MTHFD2L: variants seen among roughly 807,000 people sequenced by gnomAD.
The protein encoded by MTHFD2L is bifunctional methylenetetrahydrofolate dehydrogenase/cyclohydrolase 2, mitochondrial.
MTHFD2L carries 29 observed loss-of-function variants against 34.9 expected under a neutral mutation model. The observed-to-expected ratio is 0.83, with a 90% CI of 0.62 to 1.13. The LOEUF is 1.13. Among genes scored for constraint, MTHFD2L ranks in the 50% most tolerant of loss-of-function variants. The pLI, the probability that MTHFD2L is intolerant of heterozygous loss-of-function variation, is 0.00. For synonymous variants in MTHFD2L, 167 were observed against 155.7 expected, an observed-to-expected ratio of 1.07 and a Z score of -0.54; for missense variants, 481 against 446.5, an observed-to-expected ratio of 1.08 and a Z score of -0.70.
At chr4:74,133,966 G>T (rs1465359555) in intron 1 of MTHFD2L, among the ~76,000 whole-genome samples, 2 of 152,154 alleles carry the variant, frequency 1.3e-5, no homozygotes, top group Non-Finnish European at 2.9e-5. Flanking sequence ...ATTCTGAGCA[G>T]ATGGTAGGAG....
At chr4:74,204,657 C>G (rs1734993526) in intron 5 of MTHFD2L, among the ~76,000 whole-genome samples, 1 of 152,030 alleles carries the variant, frequency 6.6e-6, no homozygotes, top group Non-Finnish European at 1.5e-5. Flanking sequence ...ATATTGCATG[C>G]TAATTTCTTG....
intron 6 of MTHFD2L, among the ~76,000 whole-genome samples, chr4:74,234,971 G>A (rs1216471195): frequency 1.4e-4 from 21 of 151,984 alleles, no homozygotes; most frequent in Non-Finnish European, 7.4e-5. Context: ...AATTCACTAG[G>A]CAGAATAAAA....
Position 74,168,965 on chromosome 4 carries a change from G to A in MTHFD2L, c.144-5541G>A, listed in dbSNP as rs909205476. On this transcript the variant is annotated intron_variant, in intron 1 of 7. Transcript: ENST00000325278. ...TTCTTCCAGCACATGGACCAATACA[G>A]GCACTCTCTCATTGGACCTGCATTA... 3.9e-5 allele frequency among the ~76,000 whole-genome samples: 6 copies of A among 152,288 alleles called. No individual in the cohort carries two copies. In the South Asian group the frequency reaches 1.2e-3, roughly 32 times the overall value.
At chr4:74,291,069 G>C (rs1202342355) in intron 7 of MTHFD2L, among the ~76,000 whole-genome samples, 1 of 112,676 alleles carries the variant, frequency 8.9e-6, no homozygotes, top group Non-Finnish European at 1.7e-5. Context: ...CCAGGCTGGA[G>C]TGCAGTGGTG....
intron 1 of MTHFD2L, among the ~76,000 whole-genome samples, chr4:74,171,632 G>A (rs1300179556): frequency 6.6e-6 from 1 of 151,876 alleles, no homozygotes; most frequent in Non-Finnish European, 1.5e-5. Flanking sequence ...GCGAAACCCC[G>A]TCTCTACTAA....
chr4:74,223,364 G>T (rs976816249), intron 5 of MTHFD2L, among the ~76,000 whole-genome samples: 1 of 151,932 alleles, frequency 6.6e-6, no homozygotes, highest in African/African-American at 2.4e-5. Context: ...ATTAATACAG[G>T]AACAGAAATC....
chr4:74,200,869 CTT>C (rs78467695), intron 4 of MTHFD2L, among the ~76,000 whole-genome samples: 8,396 of 152,184 alleles, frequency 0.055, 608 homozygotes, highest in African/African-American at 0.16. Flanking sequence ...AAAAATGCCT[CTT>C]TTCTTACTTG....
At chr4:74,251,438 G>C (rs958137707) in intron 6 of MTHFD2L, among the ~76,000 whole-genome samples, 2 of 152,116 alleles carry the variant, frequency 1.3e-5, no homozygotes, top group African/African-American at 4.8e-5. Flanking sequence ...ACCAACCGTT[G>C]TCTTCAACAT....
intron 6 of MTHFD2L, among the ~76,000 whole-genome samples, chr4:74,253,394 A>G (rs994692345): frequency 6.6e-6 from 1 of 152,038 alleles, no homozygotes. Flanking sequence ...GCAAGAAAAT[A>G]TCTTTATAAG....
At position 74,205,433 on chromosome 4, in the gene MTHFD2L, G is replaced by C. The variant is rs546501096; in HGVS notation, c.712+4063G>C. On this transcript the variant is annotated intron_variant, in intron 5 of 7. Transcript: ENST00000325278. ...TTATTTCTTTTCCAGAAGACATGCA[G>C]AACCCTAGTGATTCGTTTTTGTCTT... 6.6e-5 allele frequency among the ~76,000 whole-genome samples: 10 copies of C among 152,308 alleles called. No individual in the cohort carries two copies. In the South Asian group the frequency reaches 2.1e-3, roughly 32 times the overall value.
chr4:74,267,305 T>TTTTC lies in MTHFD2L; in HGVS notation c.806-14110_806-14107dup, dbSNP rs771538363. On this transcript the variant is annotated intron_variant, in intron 6 of 7. Coordinates refer to ENST00000325278, the MANE Select transcript of MTHFD2L (RefSeq NM_001144978.3). ...TATTCTATTCTTTTCTTTTCTTTTC[T>TTTTC]TTTCTTTCTTTCTCTTTCTCTCTTT... 202 of 485,382 alleles carry TTTTC rather than the reference T, an allele frequency of 4.2e-4. 1 individual carries two copies. In the African/African-American group the frequency reaches 9.0e-3, roughly 22 times the overall value. 30.1% of individuals were successfully genotyped at this position (485,382 alleles called of 1,614,324 possible). A position where few individuals can be genotyped will look rare whatever the true frequency, so the allele number is the denominator to read the frequency against.
At chr4:74,200,483 GAA>G (rs1434385270) in intron 4 of MTHFD2L, among the ~76,000 whole-genome samples, 3 of 152,136 alleles carry the variant, frequency 2.0e-5, no homozygotes, top group Admixed American at 6.5e-5. Context: ...GCATTTTGAT[GAA>G]AACTTTTCTA....
At chr4:74,255,136 C>CAAAAAAAAAAAAAA (rs34300013) in intron 6 of MTHFD2L, among the ~76,000 whole-genome samples, 2 of 69,182 alleles carry the variant, frequency 2.9e-5, no homozygotes, top group Non-Finnish European at 2.4e-5. Context: ...ACTCCATCTC[C>CAAAAAAAAAAAAAA]AAAAAAAAAA....
chr4:74,254,078 T>C (rs1202098068), intron 6 of MTHFD2L, among the ~76,000 whole-genome samples: 1 of 151,960 alleles, frequency 6.6e-6, no homozygotes, highest in African/African-American at 2.4e-5. Flanking sequence ...ATAAATGCAT[T>C]TGGGGACGTC....
intron 1 of MTHFD2L, among the ~76,000 whole-genome samples, chr4:74,133,797 G>T: frequency 6.6e-6 from 1 of 151,834 alleles, no homozygotes; most frequent in Admixed American, 6.6e-5. Context: ...TCACATATCG[G>T]TTTTCTAATC....
intron 6 of MTHFD2L, among the ~76,000 whole-genome samples, chr4:74,230,591 GAAAAAAA>G (rs11324931): frequency 7.8e-6 from 1 of 128,976 alleles, no homozygotes; most frequent in African/African-American, 2.9e-5. Context: ...CTCTGTCTCA[GAAAAAAA>G]AAAAAAAGAA....
chr4:74,260,815 TACAAG>T (rs1381599380), intron 6 of MTHFD2L, among the ~76,000 whole-genome samples: 8 of 152,106 alleles, frequency 5.3e-5, no homozygotes, highest in East Asian at 3.9e-4. Flanking sequence ...ATGAAAAGAA[TACAAG>T]ACAAGAATTC....
chr4:74,167,945 C>T (rs1300202047), intron 1 of MTHFD2L, among the ~76,000 whole-genome samples: 5 of 152,106 alleles, frequency 3.3e-5, no homozygotes, highest in Non-Finnish European at 7.4e-5. Flanking sequence ...CTCAGTAACT[C>T]CCAAGGGTTC....
Position 74,180,930 on chromosome 4 carries a change from A to AT in MTHFD2L, c.451+5536dup, listed in dbSNP as rs201904718. On this transcript the variant is annotated intron_variant, in intron 3 of 7. Coordinates refer to ENST00000325278, the MANE Select transcript of MTHFD2L (RefSeq NM_001144978.3). ...TTCTTCTAAGTAGGCATTTTATTTT[A>AT]TTTTTTTTTAGCTTTTATTGAGTTA... 5.0e-3 allele frequency: 886 copies of AT among 176,008 alleles called. 4 individuals are homozygous for AT. Among genetic ancestry groups the AT allele is most frequent in the African/African-American group, 0.014 (603 of 41,810 alleles). The allele number at this position is 176,008 out of a possible 1,614,324, so 10.9% of individuals were successfully genotyped here. A position where few individuals can be genotyped will look rare whatever the true frequency, so the allele number is the denominator to read the frequency against.
Sources: gnomAD v4.1 joint callset for allele counts (sites outside exome capture counted in the v4.1 genomes callset) on GRCh38, gnomAD v4.1.1 for gene constraint, MANE v1.5 for transcripts, NCBI Gene and HGNC (gene_info 2026-07-23, HGNC 2026-07-21) for gene names.